Variants in STXBP6 observed in about 807,000 individuals in gnomAD.
The protein encoded by STXBP6 is syntaxin-binding protein 6.
Under a neutral mutation model 26.9 loss-of-function variants are expected in STXBP6, and 21 were observed. That is an observed-to-expected ratio of 0.78 (90% CI 0.55 to 1.12). STXBP6 has a LOEUF of 1.12. STXBP6 is among the 50% of genes most tolerant of loss of function. The probability of loss-of-function intolerance (pLI) is 0.00; values close to 1 mark genes in which losing one functional copy is unlikely to be tolerated. For synonymous variants in STXBP6, 97 were observed against 92.6 expected (o/e 1.05, Z -0.27); for missense variants, 232 against 257.9 (o/e 0.90, Z 0.69).
intron 2 of STXBP6, among the ~76,000 whole-genome samples, chr14:24,960,027 G>A (rs912438564): frequency 2.0e-5 from 3 of 152,212 alleles, no homozygotes; most frequent in Non-Finnish European, 4.4e-5. Flanking sequence ...GGTTCCAAAA[G>A]GGGAGCAGAC....
At chr14:24,833,450 T>A (rs1566391820) in intron 4 of STXBP6, among the ~76,000 whole-genome samples, 1 of 152,222 alleles carries the variant, frequency 6.6e-6, no homozygotes, top group Non-Finnish European at 1.5e-5. Flanking sequence ...ACAAGAATAA[T>A]CCCTTCATTT....
intron 2 of STXBP6, among the ~76,000 whole-genome samples, chr14:24,960,675 G>A (rs1369038430): frequency 6.6e-6 from 1 of 152,150 alleles, no homozygotes; most frequent in Non-Finnish European, 1.5e-5. Flanking sequence ...AAGTGGAATA[G>A]GTCTGCACAT....
chr14:24,813,187 A>C (rs75736268), intron 5 of STXBP6, among the ~76,000 whole-genome samples: 2,669 of 152,328 alleles, frequency 0.018, 41 homozygotes, highest in Non-Finnish European at 0.03. Context: ...CCATCTATTT[A>C]ATATGCAGCC....
At chr14:24,946,265 T>C (rs2072987306) in intron 2 of STXBP6, among the ~76,000 whole-genome samples, 1 of 152,108 alleles carries the variant, frequency 6.6e-6, no homozygotes, top group Non-Finnish European at 1.5e-5. Context: ...ACAAAGTAAA[T>C]ATAACAGTAC....
At chr14:24,951,612 C>A (rs2073173079) in intron 2 of STXBP6, among the ~76,000 whole-genome samples, 1 of 152,100 alleles carries the variant, frequency 6.6e-6, no homozygotes, top group South Asian at 2.1e-4. Context: ...AAAATATATT[C>A]TCTTACATAG....
chr14:24,833,883 C>A lies in STXBP6; in HGVS notation c.452-14689G>T, dbSNP rs148763521. ...ATGACATACAAAATGAGTAAAAAAA[C>A]CAAAACAGATTTTGGTTCTTCCTGT... On this transcript the variant is annotated intron_variant, in intron 4 of 5. Coordinates refer to ENST00000323944, the MANE Select transcript of STXBP6 (RefSeq NM_001394410.1). 9.2e-5 allele frequency among the ~76,000 whole-genome samples: 14 copies of A among 152,210 alleles called. No individual in the cohort carries two copies. The East Asian group carries it at 2.5e-3, about 27-fold the overall frequency.
intron 2 of STXBP6, among the ~76,000 whole-genome samples, chr14:24,937,269 C>A (rs1162730352): frequency 6.6e-6 from 1 of 152,086 alleles, no homozygotes; most frequent in Non-Finnish European, 1.5e-5. Context: ...CACACGTACC[C>A]CAGAATTTAA....
At chr14:25,043,832 T>A (rs984014021) in intron 1 of STXBP6, among the ~76,000 whole-genome samples, 7 of 152,194 alleles carry the variant, frequency 4.6e-5, no homozygotes, top group African/African-American at 1.7e-4. Context: ...ATTTTGTTTA[T>A]CCATTCAGCA....
At chr14:25,027,146 A>G (rs930647919) in intron 1 of STXBP6, among the ~76,000 whole-genome samples, 2 of 152,224 alleles carry the variant, frequency 1.3e-5, no homozygotes, top group Admixed American at 1.3e-4. Flanking sequence ...CCCGTAATGC[A>G]TAGATACAAG....
At chr14:24,890,454 T>G (rs943287874) in intron 2 of STXBP6, among the ~76,000 whole-genome samples, 1 of 151,982 alleles carries the variant, frequency 6.6e-6, no homozygotes, top group Admixed American at 6.6e-5. Flanking sequence ...GAGGGTCAGG[T>G]GGAGGAGGAT....
chr14:24,990,038 C>T (rs1008929960), intron 1 of STXBP6, among the ~76,000 whole-genome samples: 3 of 152,160 alleles, frequency 2.0e-5, no homozygotes, highest in African/African-American at 7.2e-5. Context: ...GTCCCACAGT[C>T]AGCAAGAGCT....
At chr14:24,987,937 G>C (rs1270630363) in intron 1 of STXBP6, 1 of 958,112 alleles carries the variant, frequency 1.0e-6, no homozygotes, top group African/African-American at 1.8e-5. Flanking sequence ...AGGAGAAGAA[G>C]AGCAACAAAG....
intron 2 of STXBP6, among the ~76,000 whole-genome samples, chr14:24,962,086 CCT>C (rs533100141): frequency 1.6e-4 from 25 of 152,068 alleles, no homozygotes; most frequent in Non-Finnish European, 3.4e-4. Context: ...ACCTTCTTCT[CCT>C]CTCTTTCTCT....
chr14:24,874,885 C>T (rs570762697), intron 2 of STXBP6, among the ~76,000 whole-genome samples: 27 of 152,236 alleles, frequency 1.8e-4, no homozygotes, highest in South Asian at 6.2e-4. Context: ...AGTGGGAACA[C>T]GCTCATTAAA....
chr14:24,895,636 A>C (rs1275301760), intron 2 of STXBP6, among the ~76,000 whole-genome samples: 4 of 152,240 alleles, frequency 2.6e-5, no homozygotes, highest in African/African-American at 9.6e-5. Flanking sequence ...GAATAAAAAA[A>C]CAAATCCTCT....
At chr14:25,032,387 G>A (rs756438375) in intron 1 of STXBP6, among the ~76,000 whole-genome samples, 60 of 152,158 alleles carry the variant, frequency 3.9e-4, no homozygotes, top group Non-Finnish European at 7.6e-4. Flanking sequence ...CCCAAGGCCT[G>A]AAATGTAAAA....
At chr14:24,890,948 T>TC (rs1234206353) in intron 2 of STXBP6, among the ~76,000 whole-genome samples, 1 of 152,238 alleles carries the variant, frequency 6.6e-6, no homozygotes, top group Non-Finnish European at 1.5e-5. Context: ...AATTACATTT[T>TC]CAACAGGCAA....
At chr14:24,946,363 G>T (rs1472603272) in intron 2 of STXBP6, among the ~76,000 whole-genome samples, 1 of 152,146 alleles carries the variant, frequency 6.6e-6, no homozygotes, top group Admixed American at 6.5e-5. Context: ...AGAGTCCTAA[G>T]AGTGTCCAAA....
intron 4 of STXBP6, among the ~76,000 whole-genome samples, chr14:24,853,129 T>C (rs184011580): frequency 1.6e-4 from 25 of 152,192 alleles, no homozygotes; most frequent in African/African-American, 5.8e-4. Context: ...TAAGAAACAA[T>C]GGTATCTAGG....
Sources: gnomAD v4.1 joint callset for allele counts (sites outside exome capture counted in the v4.1 genomes callset) on GRCh38, gnomAD v4.1.1 for gene constraint, MANE v1.5 for transcripts, NCBI Gene and HGNC (gene_info 2026-07-23, HGNC 2026-07-21) for gene names.